The following SYNE3 variants were observed in gnomAD, a reference collection of about 807,000 sequenced individuals.
SYNE3 encodes nesprin-3.
Under a neutral mutation model 111.2 loss-of-function variants are expected in SYNE3, and 100 were observed. That is an observed-to-expected ratio of 0.90 (90% CI 0.77 to 1.06). The LOEUF (loss-of-function observed/expected upper bound fraction) is 1.06, where lower values mean the gene tolerates loss of function less well. Among genes scored for constraint, SYNE3 ranks in the 50% least tolerant of loss-of-function variants. The pLI, the probability that SYNE3 is intolerant of heterozygous loss-of-function variation, is 0.00. For synonymous variants in SYNE3, 547 were observed against 533.9 expected, an observed-to-expected ratio of 1.02 and a Z score of -0.34; for missense variants, 1,160 against 1,240.3, an observed-to-expected ratio of 0.94 and a Z score of 0.97.
chr14:95,428,434 T>C (rs746257043), intron 17 of SYNE3, among the ~76,000 whole-genome samples: 1 of 152,216 alleles, frequency 6.6e-6, no homozygotes, highest in Non-Finnish European at 1.5e-5. Context: ...TGAAAAATTA[T>C]GAGTCTTAAA....
At chr14:95,435,775 TG>T (rs1191954685) in intron 15 of SYNE3, among the ~76,000 whole-genome samples, 1 of 152,144 alleles carries the variant, frequency 6.6e-6, no homozygotes, top group Admixed American at 6.5e-5. Context: ...AGGGCCTGGT[TG>T]AGAATGGCCT....
Position 95,457,208 on chromosome 14 carries a change from A to C in SYNE3, c.758T>G (p.Leu253Arg). The C allele has an allele frequency of 6.2e-7, 1 of 1,613,950 alleles. No individual in the cohort carries two copies. The highest frequency in any genetic ancestry group is 1.1e-5 in the South Asian group (1 of 91,068). ...VNGCLGRNCKLPITQRLSTLQ... is the reference protein window; with the variant it reads ...VNGCLGRNCKRPITQRLSTLQ... The stretch of plus-strand genomic sequence containing the variant: ...TGTGGAGAGGCGCTGCGTGATGGGC[A>C]GCTTGCAGTTCCGCCCCAGGCAGCC... The change falls in exon 5 of 18, where the codon CTG becomes CGG. Residue 253 changes from leucine (L) to arginine (R), a missense_variant. Leu to Arg is a moderately radical substitution (Grantham distance 102). Coordinates refer to ENST00000682763, the MANE Select transcript of SYNE3 (RefSeq NM_152592.6).
chr14:95,506,412 A>G (rs1890529989), intron 1 of SYNE3, among the ~76,000 whole-genome samples: 1 of 152,234 alleles, frequency 6.6e-6, no homozygotes, highest in Non-Finnish European at 1.5e-5. Context: ...GTATACCTCT[A>G]AAGGAGGACA....
intron 1 of SYNE3, among the ~76,000 whole-genome samples, chr14:95,514,869 C>T (rs551093618): frequency 4.6e-5 from 7 of 152,200 alleles, no homozygotes; most frequent in Admixed American, 2.6e-4. Flanking sequence ...CAGGGCCCCC[C>T]GGCAGCCCGC....
At chr14:95,466,762 C>T (rs1203638830) in intron 3 of SYNE3, among the ~76,000 whole-genome samples, 2 of 152,230 alleles carry the variant, frequency 1.3e-5, no homozygotes, top group African/African-American at 2.4e-5. Flanking sequence ...GCAGGCATGG[C>T]CTAAAGCTCA....
At chr14:95,494,459 A>G (rs1438036213) in intron 1 of SYNE3, among the ~76,000 whole-genome samples, 1 of 152,204 alleles carries the variant, frequency 6.6e-6, no homozygotes, top group African/African-American at 2.4e-5. Flanking sequence ...GGGGAAGTGC[A>G]AGGCCAAGTT....
In SYNE3 at chr14:95,408,712, A is replaced by AC; in HGVS notation, c.*9113dup. On this transcript the variant is annotated 3_prime_UTR_variant, in exon 18 of 18. Transcript: ENST00000682763. ...CGCGTGCATCCCTCCCACCCTGCCC[A>AC]CCCCTTCACATGCACACACAGCTTC... 1 of 56,126 alleles carries AC rather than the reference A, an allele frequency of 1.8e-5. No individual in the cohort carries two copies. Among genetic ancestry groups the AC allele is most frequent in the Non-Finnish European group, 3.5e-5 (1 of 28,752 alleles). 3.5% of individuals were successfully genotyped at this position (56,126 alleles called of 1,614,324 possible). A position where few individuals can be genotyped will look rare whatever the true frequency, so the allele number is the denominator to read the frequency against.
intron 1 of SYNE3, among the ~76,000 whole-genome samples, chr14:95,476,372 C>A (rs537200892): frequency 2.0e-5 from 3 of 152,380 alleles, no homozygotes; most frequent in South Asian, 2.1e-4. Context: ...CAACCTGGGT[C>A]CATGGGCAGG....
chr14:95,446,577 G>A (rs1357790300), intron 8 of SYNE3, among the ~76,000 whole-genome samples: 1 of 151,966 alleles, frequency 6.6e-6, no homozygotes, highest in Non-Finnish European at 1.5e-5. Flanking sequence ...ACCCCCCAGC[G>A]CTATCTGCAA....
intron 1 of SYNE3, among the ~76,000 whole-genome samples, chr14:95,504,528 C>G (rs1279708184): frequency 2.0e-5 from 3 of 152,252 alleles, no homozygotes; most frequent in Admixed American, 2.0e-4. Context: ...TACTTACAGT[C>G]ATTTAGGGGG....
rs926461770 is a variant in SYNE3 at position 95,433,269 on chromosome 14, G to C, written c.2679C>G (p.Gly893=). ...MLYKSKLKDS[G]HLLTQSSPGE... ...CATCCTTGGCACCTACCAGCAGGTG[G>C]CCAGAGTCCTTCAGCTTGGACTTGT... The change falls in exon 16 of 18, where the codon GGC becomes GGG. Residue 893 remains glycine (G), a synonymous_variant. Coordinates refer to ENST00000682763, the MANE Select transcript of SYNE3 (RefSeq NM_152592.6). The C allele has an allele frequency of 1.9e-6, 3 of 1,613,714 alleles. No individual in the cohort carries two copies. Among genetic ancestry groups the C allele is most frequent in the Non-Finnish European group, 2.5e-6 (3 of 1,179,846 alleles).
At chr14:95,484,765 A>G (rs1889453441) in intron 1 of SYNE3, among the ~76,000 whole-genome samples, 1 of 152,260 alleles carries the variant, frequency 6.6e-6, no homozygotes, top group Admixed American at 6.5e-5. Context: ...GATGAAGGAT[A>G]AATACTGTTT....
At chr14:95,468,107 T>C in intron 2 of SYNE3, 140 bp from the exon 3 acceptor site, 1 of 1,050,920 alleles carries the variant, frequency 9.5e-7, no homozygotes, top group Non-Finnish European at 1.3e-6. Flanking sequence ...CCTGCACCCC[T>C]TCTTGTGGGG....
chr14:95,500,696 A>G lies in SYNE3; in HGVS notation c.-15+15900T>C, dbSNP rs2139597148. Among the ~76,000 whole-genome samples the G allele has an allele frequency of 6.6e-6, 1 of 152,272 alleles. No homozygotes were observed. The highest frequency in any genetic ancestry group is 2.4e-5 in the African/African-American group (1 of 41,554). On this transcript the variant is annotated intron_variant, in intron 1 of 17. Coordinates refer to ENST00000682763, the MANE Select transcript of SYNE3 (RefSeq NM_152592.6). This position sits in a 1 kb window ranked among gnomAD's most constrained non-coding sequence, Gnocchi z 4.7. Reference sequence around the variant, plus strand: ...GATCCTCTCCCTGACCACCCGTGGGACAGTGGCCAGCCATTTTAACATCTT... The same window carrying G: ...GATCCTCTCCCTGACCACCCGTGGGGCAGTGGCCAGCCATTTTAACATCTT...
intron 2 of SYNE3, among the ~76,000 whole-genome samples, chr14:95,469,380 C>A (rs1355700747): frequency 6.6e-6 from 1 of 151,832 alleles, no homozygotes; most frequent in African/African-American, 2.4e-5. Context: ...GTCCACCTCC[C>A]AGGGTTATAA....
intron 1 of SYNE3, among the ~76,000 whole-genome samples, chr14:95,479,740 C>G (rs1246675153): frequency 6.6e-6 from 1 of 152,102 alleles, no homozygotes; most frequent in East Asian, 1.9e-4. Flanking sequence ...AGGACAGGGG[C>G]CACGGGACCT....
At position 95,516,239 on chromosome 14, in the gene SYNE3, G is replaced by C. The variant is rs1019693519; in HGVS notation, c.-15+357C>G. The C allele has an allele frequency of 2.0e-5, 3 of 152,380 alleles. No homozygotes were observed. In the South Asian group the frequency reaches 6.2e-4, roughly 32 times the overall value. 9.4% of individuals were successfully genotyped at this position (152,380 alleles called of 1,614,324 possible). ...GTGACAGGTCAGCCCGCCCCTAGGG[G>C]AGGCAGAGGGAAGCCCCGAGGAGGC... On this transcript the variant is annotated intron_variant, in intron 1 of 17. Coordinates refer to ENST00000682763, the MANE Select transcript of SYNE3 (RefSeq NM_152592.6).
chr14:95,450,353 G>T, intron 7 of SYNE3: 1 of 541,326 alleles, frequency 1.8e-6, no homozygotes, highest in Non-Finnish European at 3.3e-6. Flanking sequence ...AGACACTGGG[G>T]CTCCTTGGGA....
intron 8 of SYNE3, 141 bp from the exon 9 acceptor site, chr14:95,446,232 T>A (rs953080478): frequency 4.0e-6 from 4 of 997,940 alleles, no homozygotes; most frequent in Non-Finnish European, 5.8e-6. Flanking sequence ...CAAACTCAAG[T>A]AGAAACAAAA....
Sources: gnomAD v4.1 joint callset for allele counts (sites outside exome capture counted in the v4.1 genomes callset) on GRCh38, gnomAD v4.1.1 for gene constraint, Gnocchi (gnomAD v3.1) non-coding constraint, MANE v1.5 for transcripts, NCBI Gene and HGNC (gene_info 2026-07-23, HGNC 2026-07-21) for gene names.